Variants in ZNF850 observed in about 807,000 individuals in gnomAD.
ZNF850 encodes putative zinc finger protein ENSP00000330994.
ZNF850 carries 2 observed loss-of-function variants against 11.9 expected under a neutral mutation model. The ratio of observed to expected loss-of-function variants is 0.17; its 90% CI spans 0.07 to 0.53. The LOEUF (loss-of-function observed/expected upper bound fraction) is 0.53. Among genes scored for constraint, ZNF850 ranks in the 20% least tolerant of loss-of-function variants. The pLI, the probability that ZNF850 is intolerant of heterozygous loss-of-function variation, is 0.94. For missense variants in ZNF850, 1,014 were observed against 1,316.4 expected (o/e 0.77, Z 3.55); for synonymous variants, 381 against 443.0 (o/e 0.86, Z 1.76).
At chr19:36,756,491 T>C (rs2040487141) in intron 4 of ZNF850, among the ~76,000 whole-genome samples, 1 of 152,222 alleles carries the variant, frequency 6.6e-6, no homozygotes, top group Non-Finnish European at 1.5e-5. Context: ...TACATATTGA[T>C]GTGCAACTTT....
At chr19:36,759,213 G>A (rs747557711) in intron 4 of ZNF850, among the ~76,000 whole-genome samples, 3 of 152,202 alleles carry the variant, frequency 2.0e-5, no homozygotes, top group Non-Finnish European at 4.4e-5. Context: ...GCTCATGCCT[G>A]TAATCCCAGC....
chr19:36,760,981 G>GA (rs201062469), intron 4 of ZNF850, among the ~76,000 whole-genome samples: 4 of 151,520 alleles, frequency 2.6e-5, no homozygotes, highest in African/African-American at 9.7e-5. Flanking sequence ...AATATATTTT[G>GA]AAAAAAAAAT....
At chr19:36,756,163 C>T (rs1235302677) in intron 4 of ZNF850, among the ~76,000 whole-genome samples, 2 of 152,130 alleles carry the variant, frequency 1.3e-5, no homozygotes, top group African/African-American at 4.8e-5. Context: ...CTTGGCCTCC[C>T]AAAGTGCTGG....
intron 4 of ZNF850, among the ~76,000 whole-genome samples, chr19:36,755,705 CAA>C (rs2040481937): frequency 6.9e-6 from 1 of 144,418 alleles, no homozygotes; most frequent in Admixed American, 6.9e-5. Context: ...AAAAAAAAAA[CAA>C]AAAACAAAAA....
Position 36,750,627 on chromosome 19 carries a change from A to G in ZNF850, c.413T>C (p.Leu138Ser), listed in dbSNP as rs755932147. Reference sequence around the variant, plus strand: ...TTCATAAGTCATTATTGCTTTTTCCAAATATCGCTCCTGATTTATATCTTG... The same window carrying G: ...TTCATAAGTCATTATTGCTTTTTCCGAATATCGCTCCTGATTTATATCTTG... Reference protein sequence around the residue: ...QHQDINQERYLEKAIMTYETT... With the variant: ...QHQDINQERYSEKAIMTYETT... The change falls in exon 5 of 5, where the codon TTG becomes TCG. Residue 138 changes from leucine (L) to serine (S), a missense_variant. Physicochemically the swap from Leu to Ser is moderately radical, Grantham distance 145. Around this residue, in one of 2 missense-constraint regions of ZNF850, gnomAD observed 835 missense variants for 1,022.0 expected, o/e 0.82. Transcript: ENST00000591344. 3 of 1,536,110 alleles carry G rather than the reference A, an allele frequency of 2.0e-6. No homozygotes were observed. In the South Asian group the frequency reaches 3.6e-5, roughly 18 times the overall value.
At chr19:36,753,580 G>A (rs1761297514) in intron 4 of ZNF850, among the ~76,000 whole-genome samples, 1 of 151,604 alleles carries the variant, frequency 6.6e-6, no homozygotes, top group Non-Finnish European at 1.5e-5. Flanking sequence ...GTGACCACGG[G>A]AGAACCTGTC....
In ZNF850 at chr19:36,754,916, T is replaced by C. The variant is rs146858581; in HGVS notation, c.236-4112A>G. Among the ~76,000 whole-genome samples, 78 of 152,214 alleles carry C rather than the reference T, an allele frequency of 5.1e-4. 1 individual carries two copies. In the East Asian group the frequency reaches 0.014, roughly 27 times the overall value. ...TGAGAGGTCAAGCACCCAGAAAATATAAAAGGATACAGAGGATCTTTACAT... is the reference window on the plus strand; with the variant it reads ...TGAGAGGTCAAGCACCCAGAAAATACAAAAGGATACAGAGGATCTTTACAT... On this transcript the variant is annotated intron_variant, in intron 4 of 4. Coordinates refer to ENST00000591344, the MANE Select transcript of ZNF850 (RefSeq NM_001193552.2).
intron 4 of ZNF850, among the ~76,000 whole-genome samples, chr19:36,754,867 T>C (rs1346998099): frequency 6.6e-6 from 1 of 152,016 alleles, no homozygotes; most frequent in Non-Finnish European, 1.5e-5. Context: ...TTGTGGGAGA[T>C]TTCAATACAC....
rs1432904400 is a variant in ZNF850 at position 36,747,310 on chromosome 19, T to TTA, written c.*456_*457insTA. 2 of 154,596 alleles carry TTA rather than the reference T, an allele frequency of 1.3e-5. No individual in the cohort carries two copies. Among genetic ancestry groups the TTA allele is most frequent in the African/African-American group, 2.4e-5 (1 of 41,468 alleles). 9.6% of individuals were successfully genotyped at this position (154,596 alleles called of 1,614,324 possible). On this transcript the variant is annotated 3_prime_UTR_variant, in exon 5 of 5. Coordinates refer to ENST00000591344, the MANE Select transcript of ZNF850 (RefSeq NM_001193552.2). ...ATTGACCACATTCTCTAATATGAATTTGTATAACTTCAATAAGCTTTGAAT... is the reference window on the plus strand; with the variant it reads ...ATTGACCACATTCTCTAATATGAATTTATGTATAACTTCAATAAGCTTTGAAT...
chr19:36,752,614 T>C (rs2040460267), intron 4 of ZNF850, among the ~76,000 whole-genome samples: 1 of 152,136 alleles, frequency 6.6e-6, no homozygotes. Context: ...TATGTGCTTC[T>C]TGATGAAATA....
Position 36,747,073 on chromosome 19 carries a change from C to A in ZNF850, c.*694G>T, listed in dbSNP as rs2040415418. On this transcript the variant is annotated 3_prime_UTR_variant, in exon 5 of 5. Coordinates refer to ENST00000591344, the MANE Select transcript of ZNF850 (RefSeq NM_001193552.2). ...GGCAGAGGCAGGAGAATCACTTGAA[C>A]CCAGGAGGCAGAGGTTGCAGTGAGC... 2.6e-5 allele frequency: 4 copies of A among 152,560 alleles called. No homozygotes were observed. Among genetic ancestry groups the A allele is most frequent in the Admixed American group, 2.6e-4 (4 of 15,278 alleles). 9.5% of individuals were successfully genotyped at this position (152,560 alleles called of 1,614,324 possible).
Position 36,744,809 on chromosome 19 carries a change from A to T in ZNF850, c.*2958T>A, listed in dbSNP as rs1054375668. 5 of 152,148 alleles carry T rather than the reference A, an allele frequency of 3.3e-5. No individual in the cohort carries two copies. Among genetic ancestry groups the T allele is most frequent in the African/African-American group, 1.2e-4 (5 of 41,434 alleles). 9.4% of individuals were successfully genotyped at this position (152,148 alleles called of 1,614,324 possible). A position where few individuals can be genotyped will look rare whatever the true frequency, so the allele number is the denominator to read the frequency against. On this transcript the variant is annotated 3_prime_UTR_variant, in exon 5 of 5. Transcript: ENST00000591344. Reference sequence around the variant, plus strand: ...CATAAATTGAGACAAACCTCAACTGACTACAAATTGAGACAAAAGAATCAA... The same window carrying T: ...CATAAATTGAGACAAACCTCAACTGTCTACAAATTGAGACAAAAGAATCAA...
chr19:36,770,703 C>CAAAAAAAAA lies in ZNF850; in HGVS notation c.-70+2013_-70+2021dup, dbSNP rs567709722. Among the ~76,000 whole-genome samples, 249 of 66,554 alleles carry CAAAAAAAAA rather than the reference C, an allele frequency of 3.7e-3. 40 individuals are homozygous for CAAAAAAAAA. The highest frequency in any genetic ancestry group is 5.6e-3 in the Non-Finnish European group (178 of 31,908). The allele number at this position is 66,554 out of a possible 152,430, so 43.7% of individuals were successfully genotyped here. ...TCTGGGCGACAGAGAGAGACTCCAT[C>CAAAAAAAAA]AAAAAAAAAAAAAAAAAAAAAAAAA... On this transcript the variant is annotated intron_variant, in intron 1 of 4. Transcript: ENST00000591344.
chr19:36,749,331 A>G lies in ZNF850; in HGVS notation c.1709T>C (p.Phe570Ser). Residue 570 changes from phenylalanine to serine, a missense_variant, in exon 5 of 5, where the codon TTT becomes TCT. Physicochemically the swap from Phe to Ser is radical, Grantham distance 155 (BLOSUM62 -2). This residue lies in a region of ZNF850 where 835 missense variants were observed against 1,022.0 expected (regional missense o/e 0.82). Transcript: ENST00000591344. ...TTGAATTAGTGCTGAGCGAGAAGTA[A>G]AAGATTTTCCACATTCTTTACAATC... The part of the protein sequence containing the change: ...PYDCKECGKS[F>S]TSRSALIQHQ... 6.4e-7 allele frequency: 1 copy of G among 1,554,636 alleles called. No individual in the cohort carries two copies. The highest frequency in any genetic ancestry group is 8.7e-7 in the Non-Finnish European group (1 of 1,154,262).
intron 1 of ZNF850, among the ~76,000 whole-genome samples, chr19:36,770,526 C>T (rs1297356463): frequency 6.6e-6 from 1 of 151,784 alleles, no homozygotes; most frequent in Non-Finnish European, 1.5e-5. Context: ...TGGTGAAACC[C>T]CGTCTCTACT....
rs1262472160 is a variant in ZNF850 at position 36,748,763 on chromosome 19, A to G, written c.2277T>C (p.Cys759=). 9.7e-6 allele frequency: 15 copies of G among 1,550,534 alleles called. No homozygotes were observed. The highest frequency in any genetic ancestry group is 1.2e-5 in the Non-Finnish European group (14 of 1,152,942). The change falls in exon 5 of 5, where the codon TGT becomes TGC. Residue 759 remains cysteine (C), a synonymous_variant. Coordinates refer to ENST00000591344, the MANE Select transcript of ZNF850 (RefSeq NM_001193552.2). The part of the protein sequence containing the change: ...QIHTGEKPYD[C]KECGKSFTSH... ...AAGTAAAAGATTTCCCACATTCCTT[A>G]CAATCATAGGGTTTCTCACCAGTGT...
Position 36,747,743 on chromosome 19 carries a change from C to T in ZNF850, c.*24G>A. 2 of 1,467,694 alleles carry T rather than the reference C, an allele frequency of 1.4e-6. No homozygotes were observed. Among genetic ancestry groups the T allele is most frequent in the Non-Finnish European group, 1.8e-6 (2 of 1,112,562 alleles). The allele number at this position is 1,467,694 out of a possible 1,614,324, so 90.9% of individuals were successfully genotyped here. On this transcript the variant is annotated 3_prime_UTR_variant, in exon 5 of 5. Transcript: ENST00000591344. ...TCTGCTGATGATCCATGACAAATGGCATGAGAACAGTTTCCTACATTAATT... is the reference window on the plus strand; with the variant it reads ...TCTGCTGATGATCCATGACAAATGGTATGAGAACAGTTTCCTACATTAATT...
At position 36,750,201 on chromosome 19, in the gene ZNF850, G is replaced by T; in HGVS notation, c.839C>A (p.Pro280His). The change falls in exon 5 of 5, where the codon CCT (proline) becomes CAT (histidine). Residue 280 changes from proline to histidine, a missense_variant. Coordinates refer to ENST00000591344, the MANE Select transcript of ZNF850 (RefSeq NM_001193552.2). ...TTTCCCACATTCTTTACATTCATAA[G>T]GTTTGTCACCAGTATGAATTCTCCA... is the stretch of plus-strand genomic sequence containing the variant. The part of the protein sequence containing the change: ...QHWRIHTGDK[P>H]YECKECGKSF... 6.5e-7 allele frequency: 1 copy of T among 1,539,072 alleles called. No individual in the cohort carries two copies. The highest frequency in any genetic ancestry group is 8.7e-7 in the Non-Finnish European group (1 of 1,146,942).
Position 36,761,661 on chromosome 19 carries a change from G to C in ZNF850, c.217C>G (p.Leu73Val), listed in dbSNP as rs1421152521. 1 of 1,554,146 alleles carries C rather than the reference G, an allele frequency of 6.4e-7. No homozygotes were observed. The highest frequency in any genetic ancestry group is 1.9e-5 in the Admixed American group (1 of 52,730). Residue 73 changes from leucine to valine, a missense_variant, in exon 4 of 5, where the codon CTG becomes GTG. Leu to Val is a conservative substitution (Grantham distance 32). Coordinates refer to ENST00000591344, the MANE Select transcript of ZNF850 (RefSeq NM_001193552.2). ...KEPWMVSRDV[L>V]GGWCRDSEFR... ...TACTCACCTCGGCACCATCCTCCCA[G>C]CACGTCCCTTGAAACCATCCAGGGC...
Sources: allele counts gnomAD v4.1 joint callset (sites outside exome capture counted in the v4.1 genomes callset), GRCh38; gene constraint gnomAD v4.1.1; regional missense constraint gnomAD v4.1.1; transcripts MANE v1.5; gene names NCBI Gene and HGNC (gene_info 2026-07-23, HGNC 2026-07-21).